UBE2B: variants seen among roughly 807,000 people sequenced by gnomAD.
UBE2B encodes the protein ubiquitin-conjugating enzyme E2 B.
UBE2B carries 11 observed loss-of-function variants against 24.6 expected under a neutral mutation model. That is an observed-to-expected ratio of 0.45 (90% CI 0.28 to 0.74). UBE2B has a LOEUF of 0.74. Ranked by LOEUF, UBE2B falls within the 30% of genes least tolerant of loss-of-function variation. The probability of loss-of-function intolerance (pLI) is 0.13; values close to 1 mark genes in which losing one functional copy is unlikely to be tolerated. For missense variants in UBE2B, 78 were observed against 185.6 expected (o/e 0.42, Z 3.37); for synonymous variants, 68 against 62.4 (o/e 1.09, Z -0.42).
rs375951755 is a variant in UBE2B at position 134,371,594 on chromosome 5, G to A, written c.-2G>A. 1.5e-5 allele frequency: 24 copies of A among 1,612,742 alleles called. No homozygotes were observed. Among genetic ancestry groups the A allele is most frequent in the Non-Finnish European group, 1.8e-5 (21 of 1,179,836 alleles). On this transcript the variant is annotated 5_prime_UTR_variant, in exon 1 of 6. Transcript: ENST00000265339. ...AGACTGACCGCGGGGCAGCTGCGGA[G>A]CATGTCGACCCCGGCCCGGAGGAGG... is the stretch of plus-strand genomic sequence containing the variant.
chr5:134,388,144 A>C, intron 4 of UBE2B, 181 bp from the exon 5 acceptor site: 1 of 605,790 alleles, frequency 1.7e-6, no homozygotes, highest in South Asian at 2.0e-5. Context: ...GGGAACATTC[A>C]AACCATAGCA....
chr5:134,380,736 A>G lies in UBE2B; in HGVS notation c.169A>G (p.Ile57Val). The change falls in exon 4 of 6, where the codon ATA becomes GTA. Residue 57 changes from isoleucine to valine, a missense_variant. Physicochemically the swap from Ile to Val is conservative, Grantham distance 29. Coordinates refer to ENST00000265339, the MANE Select transcript of UBE2B (RefSeq NM_003337.4). The part of the protein sequence containing the change: ...PFEDGTFKLV[I>V]EFSEEYPNKP... The stretch of plus-strand genomic sequence containing the variant: ...CTCTCTAGGTACTTTTAAACTAGTA[A>G]TAGAATTTTCTGAAGAATATCCAAA... The G allele has an allele frequency of 6.4e-7, 1 of 1,569,276 alleles. No homozygotes were observed. Among genetic ancestry groups the G allele is most frequent in the Non-Finnish European group, 8.8e-7 (1 of 1,140,080 alleles).
rs1758891970 is a variant in UBE2B at position 134,391,190 on chromosome 5, T to A, written c.*837T>A. On this transcript the variant is annotated 3_prime_UTR_variant, in exon 6 of 6. Transcript: ENST00000265339. ...TGAAGAAAGTAAAACCATAAACATT[T>A]GCCAAAAATTCATGCCCCAGTATTA... 1 of 152,520 alleles carries A rather than the reference T, an allele frequency of 6.6e-6. No individual in the cohort carries two copies. Among genetic ancestry groups the A allele is most frequent in the African/African-American group, 2.4e-5 (1 of 41,440 alleles). The allele number at this position is 152,520 out of a possible 1,614,324, so 9.4% of individuals were successfully genotyped here. A position where few individuals can be genotyped will look rare whatever the true frequency, so the allele number is the denominator to read the frequency against.
At chr5:134,374,262 T>C in intron 1 of UBE2B, 121 bp from the exon 2 acceptor site, 1 of 896,474 alleles carries the variant, frequency 1.1e-6, no homozygotes, top group Non-Finnish European at 1.8e-6. Context: ...TAGTTCACAA[T>C]AACAAGGAAA....
chr5:134,382,435 CAG>C (rs1298466668), intron 4 of UBE2B, among the ~76,000 whole-genome samples: 1 of 152,032 alleles, frequency 6.6e-6, no homozygotes, highest in Non-Finnish European at 1.5e-5. Context: ...GCCTGGGCAA[CAG>C]AGCAAGATTC....
rs1343800696 is a variant in UBE2B, at chr5:134,390,636, A to C, written c.*283A>C. ...GTGGAGTTTTCATGACAGAATATACACATTTTGTAAATCTGTACTTTTTTC... is the reference window on the plus strand; with the variant it reads ...GTGGAGTTTTCATGACAGAATATACCCATTTTGTAAATCTGTACTTTTTTC... On this transcript the variant is annotated 3_prime_UTR_variant, in exon 6 of 6. Transcript: ENST00000265339. The surrounding 1 kb of genome is among the most constrained non-coding windows in gnomAD (Gnocchi z 4.6). The C allele has an allele frequency of 3.4e-6, 1 of 294,376 alleles. No individual in the cohort carries two copies. The highest frequency in any genetic ancestry group is 6.5e-6 in the Non-Finnish European group (1 of 153,840). The allele number at this position is 294,376 out of a possible 1,614,324, so 18.2% of individuals were successfully genotyped here.
intron 2 of UBE2B, among the ~76,000 whole-genome samples, chr5:134,376,366 C>G (rs10477761): frequency 3.3e-5 from 1 of 30,606 alleles, no homozygotes; most frequent in Non-Finnish European, 6.5e-5. Context: ...TATATATATA[C>G]ACATATGTAC....
chr5:134,389,508 C>A (rs944393048), intron 5 of UBE2B, among the ~76,000 whole-genome samples: 2 of 151,114 alleles, frequency 1.3e-5, no homozygotes, highest in African/African-American at 2.4e-5. Context: ...ATATTCTTTT[C>A]TGATTTCTTT....
At chr5:134,389,534 TTTTTC>T (rs1385432589) in intron 5 of UBE2B, among the ~76,000 whole-genome samples, 21 of 152,082 alleles carry the variant, frequency 1.4e-4, no homozygotes, top group East Asian at 1.3e-3. Flanking sequence ...TATAGGTATT[TTTTTC>T]TTTTCTTTTT....
chr5:134,382,488 A>T (rs1758723844), intron 4 of UBE2B, among the ~76,000 whole-genome samples: 1 of 152,030 alleles, frequency 6.6e-6, no homozygotes, highest in African/African-American at 2.4e-5. Flanking sequence ...AGTTGGAGTC[A>T]ATGACCACAC....
At chr5:134,386,981 A>G (rs1758815322) in intron 4 of UBE2B, among the ~76,000 whole-genome samples, 1 of 145,424 alleles carries the variant, frequency 6.9e-6, no homozygotes, top group South Asian at 2.1e-4. Flanking sequence ...TTTTTTTAAG[A>G]TAGAGTCTCG....
rs112579417 is a variant in UBE2B at position 134,382,733 on chromosome 5, C to T, written c.241+1925C>T. Among the ~76,000 whole-genome samples, 1,418 of 150,554 alleles carry T rather than the reference C, an allele frequency of 9.4e-3. 12 individuals carry two copies. Among genetic ancestry groups the T allele is most frequent in the African/African-American group, 0.031 (1,256 of 40,888 alleles). On this transcript the variant is annotated intron_variant, in intron 4 of 5. Transcript: ENST00000265339. ...AGGCTGTAGCAAGCCATGATTGTGC[C>T]ACCGCTCTCCATCCTGGGTGACAAA...
At chr5:134,378,900 G>C (rs1758654104) in intron 3 of UBE2B, among the ~76,000 whole-genome samples, 1 of 147,070 alleles carries the variant, frequency 6.8e-6, no homozygotes, top group African/African-American at 2.5e-5. Context: ...TTGCACCCTA[G>C]CCTGGACAAC....
At position 134,380,621 on chromosome 5, in the gene UBE2B, T is replaced by C. The variant is rs1758692308; in HGVS notation, c.152-98T>C. 3.3e-5 allele frequency: 24 copies of C among 721,392 alleles called. No homozygotes were observed. In the South Asian group the frequency reaches 3.7e-4, roughly 11 times the overall value. The allele number at this position is 721,392 out of a possible 1,614,324, so 44.7% of individuals were successfully genotyped here. On this transcript the variant is annotated intron_variant, in intron 3 of 5. Coordinates refer to ENST00000265339, the MANE Select transcript of UBE2B (RefSeq NM_003337.4). ...CGAACCAACGTTGACATACTAACTT[T>C]TATGTGGTTGTACAAAAACCAGTAT...
chr5:134,384,982 A>G (rs1758772682), intron 4 of UBE2B, among the ~76,000 whole-genome samples: 1 of 152,198 alleles, frequency 6.6e-6, no homozygotes, highest in Admixed American at 6.5e-5. Context: ...TCTGTCACCC[A>G]GCATAAAGTT....
At chr5:134,382,308 C>G (rs35668793) in intron 4 of UBE2B, among the ~76,000 whole-genome samples, 215 of 151,938 alleles carry the variant, frequency 1.4e-3, no homozygotes, top group Middle Eastern at 3.4e-3. Flanking sequence ...AAAAAAATAT[C>G]AAGGCATGGT....
intron 2 of UBE2B, among the ~76,000 whole-genome samples, chr5:134,376,258 G>A (rs193215033): frequency 2.1e-5 from 3 of 139,798 alleles, no homozygotes; most frequent in Admixed American, 7.5e-5. Context: ...GGAGAAGGAG[G>A]TTGCAGTGAG....
chr5:134,371,978 CCTT>C (rs1758451771), intron 1 of UBE2B, among the ~76,000 whole-genome samples: 1 of 152,264 alleles, frequency 6.6e-6, no homozygotes, highest in Admixed American at 6.5e-5. Flanking sequence ...TGCGGCGCCC[CCTT>C]CTTGTCCCCT....
Position 134,380,715 on chromosome 5 carries a change from C to G in UBE2B, c.152-4C>G. 2 of 1,494,894 alleles carry G rather than the reference C, an allele frequency of 1.3e-6. No homozygotes were observed. The highest frequency in any genetic ancestry group is 1.9e-6 in the Non-Finnish European group (2 of 1,073,616). 92.6% of individuals were successfully genotyped at this position (1,494,894 alleles called of 1,614,324 possible). On this transcript the variant is annotated splice_region_variant and splice_polypyrimidine_tract_variant and intron_variant, in intron 3 of 5. Transcript: ENST00000265339. ...TTACTATAATTATTTTGTTTTCTCT[C>G]TAGGTACTTTTAAACTAGTAATAGA...
Sources: allele counts gnomAD v4.1 joint callset (sites outside exome capture counted in the v4.1 genomes callset), GRCh38; gene constraint gnomAD v4.1.1; non-coding constraint Gnocchi (gnomAD v3.1); transcripts MANE v1.5; gene names NCBI Gene and HGNC (gene_info 2026-07-23, HGNC 2026-07-21).